The following ENOX1 variants were observed in gnomAD, a reference collection of about 807,000 sequenced individuals.
ENOX1 encodes the protein ecto-NOX disulfide-thiol exchanger 1, also known as candidate growth-related and time keeping constitutive hydroquinone (NADH) oxidase.
A neutral mutation model predicts 82.5 loss-of-function variants in ENOX1; 42 were observed. The observed-to-expected ratio is 0.51, with a 90% CI of 0.40 to 0.66. ENOX1 has a LOEUF of 0.66. Ranked by LOEUF, ENOX1 falls within the 30% of genes least tolerant of loss-of-function variation. The probability of loss-of-function intolerance (pLI) is 0.00; values close to 1 mark genes in which losing one functional copy is unlikely to be tolerated. For missense variants in ENOX1, 608 were observed against 811.6 expected (o/e 0.75, Z 3.05); for synonymous variants, 271 against 282.2 (o/e 0.96, Z 0.40).
chr13:43,705,767 G>A (rs906127078), intron 1 of ENOX1, among the ~76,000 whole-genome samples: 5 of 152,016 alleles, frequency 3.3e-5, no homozygotes, highest in Non-Finnish European at 7.4e-5. Flanking sequence ...AACAGACCAA[G>A]GGGATAGTAT....
intron 1 of ENOX1, among the ~76,000 whole-genome samples, chr13:43,688,984 C>T (rs1250676338): frequency 1.3e-5 from 2 of 152,174 alleles, no homozygotes; most frequent in Non-Finnish European, 2.9e-5. Context: ...GTATTTCTTT[C>T]TCATATGATG....
chr13:43,777,719 T>G (rs1275149335), intron 1 of ENOX1, among the ~76,000 whole-genome samples: 1 of 152,012 alleles, frequency 6.6e-6, no homozygotes, highest in Admixed American at 6.6e-5. Context: ...ATTTTTTTTT[T>G]TTGTATTTTT....
chr13:43,289,928 C>G (rs918160352), intron 12 of ENOX1, among the ~76,000 whole-genome samples: 1 of 151,858 alleles, frequency 6.6e-6, no homozygotes, highest in African/African-American at 2.4e-5. Context: ...TGAACAGATA[C>G]TTCTCAAAAG....
chr13:43,502,308 C>T (rs971865004), intron 2 of ENOX1, among the ~76,000 whole-genome samples: 1 of 151,472 alleles, frequency 6.6e-6, no homozygotes, highest in African/African-American at 2.4e-5. Context: ...AGAATGAATG[C>T]CAATATTCTT....
chr13:43,482,538 T>C (rs1349774351), intron 3 of ENOX1, among the ~76,000 whole-genome samples: 1 of 151,978 alleles, frequency 6.6e-6, no homozygotes, highest in Non-Finnish European at 1.5e-5. Context: ...ATGAAAAAAT[T>C]GTAAGGATTT....
intron 2 of ENOX1, among the ~76,000 whole-genome samples, chr13:43,609,346 T>A (rs750716590): frequency 3.9e-5 from 6 of 152,250 alleles, no homozygotes; most frequent in Non-Finnish European, 7.3e-5. Flanking sequence ...TCTTTTTTAT[T>A]TTCATAAATT....
intron 3 of ENOX1, among the ~76,000 whole-genome samples, chr13:43,473,587 C>G (rs181665607): frequency 6.6e-6 from 1 of 152,142 alleles, no homozygotes; most frequent in Admixed American, 6.5e-5. Context: ...TCTCTTGTGT[C>G]TATTTAAAAG....
chr13:43,261,249 A>ATCTTG (rs1028794461), intron 14 of ENOX1, among the ~76,000 whole-genome samples: 1 of 152,202 alleles, frequency 6.6e-6, no homozygotes, highest in African/African-American at 2.4e-5. Context: ...TCTTGAGACT[A>ATCTTG]AGACAAATGA....
At chr13:43,303,419 A>T (rs1181968363) in intron 11 of ENOX1, among the ~76,000 whole-genome samples, 1 of 152,204 alleles carries the variant, frequency 6.6e-6, no homozygotes, top group African/African-American at 2.4e-5. Flanking sequence ...TGGCAGAGAC[A>T]TTATCACGCT....
chr13:43,287,090 G>A (rs903237094), intron 12 of ENOX1, among the ~76,000 whole-genome samples: 2 of 152,152 alleles, frequency 1.3e-5, no homozygotes, highest in African/African-American at 4.8e-5. Flanking sequence ...TGTGCCCTGG[G>A]TCAGTCACCT....
Position 43,214,128 on chromosome 13 carries a change from G to C in ENOX1, c.1801-7C>G, listed in dbSNP as rs1364070818. 2 of 1,611,006 alleles carry C rather than the reference G, an allele frequency of 1.2e-6. No individual in the cohort carries two copies. Among genetic ancestry groups the C allele is most frequent in the African/African-American group, 2.7e-5 (2 of 74,814 alleles). ...CTATTTCATTTGCAGATATCTGTTA[G>C]AAAGGAAGGAAAGTCACTTTGGGGA... On this transcript the variant is annotated splice_region_variant and splice_polypyrimidine_tract_variant and intron_variant, in intron 16 of 16. Coordinates refer to ENST00000690772, the MANE Select transcript of ENOX1 (RefSeq NM_001347969.2).
chr13:43,602,524 T>C (rs193191759), intron 2 of ENOX1, among the ~76,000 whole-genome samples: 1 of 152,276 alleles, frequency 6.6e-6, no homozygotes, highest in East Asian at 1.9e-4. Context: ...CCAACATTTT[T>C]ATTTTTAATG....
At chr13:43,563,676 CAGATGAAAA>C (rs1450729125) in intron 2 of ENOX1, among the ~76,000 whole-genome samples, 3 of 151,860 alleles carry the variant, frequency 2.0e-5, no homozygotes, top group African/African-American at 7.3e-5. Flanking sequence ...TAAATAAAAA[CAGATGAAAA>C]AGGAGGCAAA....
At chr13:43,597,908 G>T (rs1258626702) in intron 2 of ENOX1, among the ~76,000 whole-genome samples, 2 of 152,060 alleles carry the variant, frequency 1.3e-5, no homozygotes, top group Non-Finnish European at 2.9e-5. Flanking sequence ...CCTCTGCCTA[G>T]AACTCTCATC....
At chr13:43,611,700 C>CT (rs1454225527) in intron 2 of ENOX1, among the ~76,000 whole-genome samples, 5 of 152,146 alleles carry the variant, frequency 3.3e-5, no homozygotes, top group African/African-American at 9.7e-5. Context: ...TCTGGCAATA[C>CT]TTTTTTTGTA....
At chr13:43,381,352 A>G (rs1411885296) in intron 5 of ENOX1, among the ~76,000 whole-genome samples, 1 of 151,744 alleles carries the variant, frequency 6.6e-6, no homozygotes, top group East Asian at 1.9e-4. Context: ...AGTACTGTGA[A>G]TTAAAATAAA....
At chr13:43,582,571 ATTTCTTTTTCTTTT>A (rs1194020114) in intron 2 of ENOX1, among the ~76,000 whole-genome samples, 2 of 152,118 alleles carry the variant, frequency 1.3e-5, no homozygotes, top group East Asian at 3.9e-4. Context: ...AAGACATTTT[ATTTCTTTTTCTTTT>A]TTTTTGGAGA....
chr13:43,239,433 T>C (rs2042708849), intron 14 of ENOX1, among the ~76,000 whole-genome samples: 1 of 152,206 alleles, frequency 6.6e-6, no homozygotes, highest in African/African-American at 2.4e-5. Flanking sequence ...TACAGTATCA[T>C]TGAAGCTGAT....
At chr13:43,652,402 C>G (rs984765023) in intron 2 of ENOX1, among the ~76,000 whole-genome samples, 1 of 152,168 alleles carries the variant, frequency 6.6e-6, no homozygotes, top group Non-Finnish European at 1.5e-5. Context: ...CATGCTGGCA[C>G]AGAAGTTAGT....
Sources: allele counts gnomAD v4.1 joint callset (sites outside exome capture counted in the v4.1 genomes callset), GRCh38; gene constraint gnomAD v4.1.1; transcripts MANE v1.5; gene names NCBI Gene and HGNC (gene_info 2026-07-23, HGNC 2026-07-21).